TIAM1: variants seen among roughly 807,000 people sequenced by gnomAD.
TIAM1 encodes the protein rho guanine nucleotide exchange factor TIAM1.
TIAM1 carries 65 observed loss-of-function variants against 163.5 expected under a neutral mutation model. The ratio of observed to expected loss-of-function variants is 0.40; its 90% CI spans 0.33 to 0.49. The LOEUF is 0.49. Ranked by LOEUF, TIAM1 falls within the 20% of genes least tolerant of loss-of-function variation. The pLI is 0.77. For synonymous variants in TIAM1, 833 were observed against 810.1 expected, an observed-to-expected ratio of 1.03 and a Z score of -0.48; for missense variants, 1,789 against 2,044.7, an observed-to-expected ratio of 0.87 and a Z score of 2.41.
intron 20 of TIAM1, among the ~76,000 whole-genome samples, chr21:31,145,628 T>C (rs544836503): frequency 1.3e-5 from 2 of 152,184 alleles, no homozygotes; most frequent in Admixed American, 6.5e-5. Flanking sequence ...AGCTTGCCCA[T>C]ATAAAAATTC....
chr21:31,521,445 GA>G (rs1195433683), intron 1 of TIAM1, among the ~76,000 whole-genome samples: 1 of 152,110 alleles, frequency 6.6e-6, no homozygotes, highest in Admixed American at 6.6e-5. Flanking sequence ...ATACACAATT[GA>G]GTCTCTTAAA....
intron 1 of TIAM1, among the ~76,000 whole-genome samples, chr21:31,466,422 A>C (rs1379207279): frequency 1.3e-5 from 2 of 151,984 alleles, no homozygotes; most frequent in Non-Finnish European, 2.9e-5. Context: ...ATATCTCTCT[A>C]AACTCATCTA....
chr21:31,273,302 G>A (rs2073145486), intron 3 of TIAM1, among the ~76,000 whole-genome samples: 1 of 151,866 alleles, frequency 6.6e-6, no homozygotes, highest in African/African-American at 2.4e-5. Flanking sequence ...AGAGAGTGTG[G>A]AGATCTTAGA....
chr21:31,238,016 C>T (rs1272256600), intron 6 of TIAM1, among the ~76,000 whole-genome samples: 1 of 152,254 alleles, frequency 6.6e-6, no homozygotes, highest in African/African-American at 2.4e-5. Context: ...CTCATTCCCA[C>T]TCTCCCCTGG....
intron 2 of TIAM1, among the ~76,000 whole-genome samples, chr21:31,424,684 G>A (rs1033581864): frequency 3.3e-5 from 5 of 152,132 alleles, no homozygotes; most frequent in African/African-American, 7.2e-5. Context: ...CAGAGTTTCC[G>A]TTTCGCAAGA....
intron 27 of TIAM1, among the ~76,000 whole-genome samples, chr21:31,123,015 C>CTG (rs1376242691): frequency 6.6e-6 from 1 of 152,192 alleles, no homozygotes; most frequent in Non-Finnish European, 1.5e-5. Context: ...AAAAATGAGC[C>CTG]ATCAGGCAGA....
chr21:31,479,248 TCTAGA>T (rs1377120806), intron 1 of TIAM1, among the ~76,000 whole-genome samples: 1 of 152,184 alleles, frequency 6.6e-6, no homozygotes, highest in Admixed American at 6.5e-5. Context: ...ACTTCCCCTC[TCTAGA>T]CATTAGTTTT....
At chr21:31,389,732 A>T (rs140940927) in intron 2 of TIAM1, among the ~76,000 whole-genome samples, 91 of 152,360 alleles carry the variant, frequency 6.0e-4, no homozygotes, top group African/African-American at 2.2e-3. Context: ...AGAGAGAAAG[A>T]TTTTAACCAA....
intron 1 of TIAM1, among the ~76,000 whole-genome samples, chr21:31,540,983 TG>T (rs2048307561): frequency 6.6e-6 from 1 of 152,318 alleles, no homozygotes; most frequent in African/African-American, 2.4e-5. Flanking sequence ...AATTCATATA[TG>T]GATATATACA....
At chr21:31,473,307 G>A (rs1056110396) in intron 1 of TIAM1, among the ~76,000 whole-genome samples, 5 of 151,892 alleles carry the variant, frequency 3.3e-5, no homozygotes, top group Non-Finnish European at 7.4e-5. Flanking sequence ...GCGGGTGCCT[G>A]TAGTCCCAGC....
At chr21:31,452,682 ATTT>A in intron 2 of TIAM1, 4 of 432,524 alleles carry the variant, frequency 9.2e-6, no homozygotes, top group South Asian at 7.8e-5. Flanking sequence ...TCCAGAATAT[ATTT>A]TTCCATTTTC....
chr21:31,291,005 A>C (rs2073999391), intron 2 of TIAM1, among the ~76,000 whole-genome samples: 1 of 152,146 alleles, frequency 6.6e-6, no homozygotes, highest in African/African-American at 2.4e-5. Context: ...GATAATAACA[A>C]ATTATCCCTT....
chr21:31,549,948 ACT>A (rs530591698), intron 1 of TIAM1, among the ~76,000 whole-genome samples: 239 of 152,244 alleles, frequency 1.6e-3, no homozygotes, highest in African/African-American at 5.4e-3. Flanking sequence ...ACATGGTGAA[ACT>A]CTGTCTCTAC....
chr21:31,442,066 A>AAAAAAAAAAAAAAAAAAAAAT (rs1202451553), intron 2 of TIAM1, among the ~76,000 whole-genome samples: 1 of 18,786 alleles, frequency 5.3e-5, no homozygotes, highest in African/African-American at 2.4e-4. Context: ...AGAACAAATA[A>AAAAAAAAAAAAAAAAAAAAAT]ATAAATATAT....
At chr21:31,176,876 CCCA>C (rs1179513920) in intron 15 of TIAM1, among the ~76,000 whole-genome samples, 9 of 152,048 alleles carry the variant, frequency 5.9e-5, no homozygotes, top group African/African-American at 2.2e-4. Context: ...CAGACCCCAT[CCCA>C]CACTAGGTGA....
In TIAM1 at chr21:31,252,914, T is replaced by C. The variant is rs569821566; in HGVS notation, c.964-725A>G. Among the ~76,000 whole-genome samples the C allele has an allele frequency of 2.6e-5, 4 of 152,368 alleles. No individual in the cohort carries two copies. The East Asian group carries it at 7.7e-4, about 29-fold the overall frequency. The stretch of plus-strand genomic sequence containing the variant: ...TTACCTTGCCCTTTCAAAGCTGGGA[T>C]GCTAGGAGCCTTGGGCAGGCTACTT... On this transcript the variant is annotated intron_variant, in intron 4 of 27. Transcript: ENST00000541036.
intron 2 of TIAM1, among the ~76,000 whole-genome samples, chr21:31,302,136 C>G (rs1377086296): frequency 1.3e-5 from 2 of 151,888 alleles, no homozygotes; most frequent in Non-Finnish European, 2.9e-5. Flanking sequence ...CACTTTTCCT[C>G]AGGAGAAAGA....
chr21:31,512,341 C>A (rs900657516), intron 1 of TIAM1, among the ~76,000 whole-genome samples: 7 of 152,048 alleles, frequency 4.6e-5, no homozygotes, highest in Non-Finnish European at 7.4e-5. Flanking sequence ...CTCAAGTCAT[C>A]CACCCGCCTC....
chr21:31,248,590 G>A (rs1460614699), intron 5 of TIAM1, among the ~76,000 whole-genome samples: 1 of 152,032 alleles, frequency 6.6e-6, no homozygotes, highest in African/African-American at 2.4e-5. Flanking sequence ...TTTGCCTAAT[G>A]GGAAAGAATC....
Sources: gnomAD v4.1 joint callset for allele counts (sites outside exome capture counted in the v4.1 genomes callset) on GRCh38, gnomAD v4.1.1 for gene constraint, MANE v1.5 for transcripts, NCBI Gene and HGNC (gene_info 2026-07-23, HGNC 2026-07-21) for gene names.